ARID1A: variants seen among roughly 807,000 people sequenced by gnomAD.
ARID1A encodes the protein AT-rich interaction domain 1A.
ARID1A carries 20 observed loss-of-function variants against 212.6 expected under a neutral mutation model. The observed-to-expected ratio is 0.09, with a 90% CI of 0.07 to 0.14. The LOEUF (loss-of-function observed/expected upper bound fraction) is 0.14, where lower values mean the gene tolerates loss of function less well. Among genes scored for constraint, ARID1A ranks in the 10% least tolerant of loss-of-function variants. The pLI, the probability that ARID1A is intolerant of heterozygous loss-of-function variation, is 1.00. For synonymous variants in ARID1A, 1,376 were observed against 1,222.1 expected (o/e 1.13, Z -2.63); for missense variants, 2,587 against 3,059.0 (o/e 0.85, Z 3.64).
At chr1:26,731,631 C>T (rs1303665570) in intron 3 of ARID1A, 27 bp downstream of exon 3, 4 of 1,594,008 alleles carry the variant, frequency 2.5e-6, no homozygotes, top group Non-Finnish European at 3.4e-6. Flanking sequence ...TCCTGCCCTT[C>T]CCTGTGTGTG....
intron 1 of ARID1A, among the ~76,000 whole-genome samples, chr1:26,708,174 G>GC (rs2080412275): frequency 6.7e-6 from 1 of 148,688 alleles, no homozygotes; most frequent in Non-Finnish European, 1.5e-5. Context: ...AGAACTGGCA[G>GC]CATCTGGTCC....
At chr1:26,710,418 G>T (rs996558207) in intron 1 of ARID1A, among the ~76,000 whole-genome samples, 1 of 139,728 alleles carries the variant, frequency 7.2e-6, no homozygotes, top group African/African-American at 2.5e-5. Flanking sequence ...AGAGGTTGCA[G>T]TGAGCCGAGA....
chr1:26,769,931 GGGCCAGGC>G (rs1385746809), intron 11 of ARID1A: 13 of 152,344 alleles, frequency 8.5e-5, no homozygotes, highest in African/African-American at 3.1e-4. Flanking sequence ...ATAAGGCCCC[GGGCCAGGC>G]GCAGTGGCTC....
At chr1:26,767,684 C>A in intron 10 of ARID1A, 106 bp from the exon 11 acceptor site, 2 of 1,171,254 alleles carry the variant, frequency 1.7e-6, no homozygotes, top group East Asian at 2.5e-5. Context: ...AGTAACCACC[C>A]CAGAGTAAGA....
rs181088904 is a variant in ARID1A, at chr1:26,704,047, C to T, written c.1137+6507C>T. On this transcript the variant is annotated intron_variant, in intron 1 of 19. Transcript: ENST00000324856. ...TCAAGAAACTTAGAATACTAATTTG[C>T]CTTTTCATAATGCTATTCTTAAGTT... 1.1e-4 allele frequency among the ~76,000 whole-genome samples: 17 copies of T among 152,226 alleles called. No individual in the cohort carries two copies. In the East Asian group the frequency reaches 3.3e-3, roughly 29 times the overall value.
At chr1:26,714,281 A>G (rs2080480762) in intron 1 of ARID1A, among the ~76,000 whole-genome samples, 1 of 142,500 alleles carries the variant, frequency 7.0e-6, no homozygotes, top group East Asian at 2.1e-4. Flanking sequence ...TGAGGTTGGT[A>G]TGTACCAGCA....
intron 4 of ARID1A, among the ~76,000 whole-genome samples, chr1:26,756,547 C>T (rs561913850): frequency 2.7e-5 from 4 of 149,416 alleles, no homozygotes; most frequent in Non-Finnish European, 4.4e-5. Flanking sequence ...CAGACCCAGA[C>T]CGAGACCCTG....
At chr1:26,706,942 T>G (rs1026978169) in intron 1 of ARID1A, among the ~76,000 whole-genome samples, 2 of 152,184 alleles carry the variant, frequency 1.3e-5, no homozygotes, top group Non-Finnish European at 1.5e-5. Flanking sequence ...AATTTAGGCT[T>G]CTAAAGAGAA....
chr1:26,763,148 C>A lies in ARID1A; in HGVS notation c.2595C>A (p.Asn865Lys), dbSNP rs2124069336. 1 of 1,614,288 alleles carries A rather than the reference C, an allele frequency of 6.2e-7. No homozygotes were observed. The highest frequency in any genetic ancestry group is 8.5e-7 in the Non-Finnish European group (1 of 1,180,058). ...PGRMSHASMGNRPYGPNMANM... is the reference protein window; with the variant it reads ...PGRMSHASMGKRPYGPNMANM... The stretch of plus-strand genomic sequence containing the variant: ...GGATGAGTCACGCCTCCATGGGCAA[C>A]CGGCCTTATGGCCCTAACATGGCCA... Residue 865 changes from asparagine to lysine, a missense_variant, in exon 8 of 20, where the codon AAC becomes AAA. Asn to Lys is a moderately conservative substitution (Grantham distance 94). Around this residue, in one of 11 missense-constraint regions of ARID1A, gnomAD observed 674 missense variants for 813.4 expected, o/e 0.83. Transcript: ENST00000324856.
intron 1 of ARID1A, among the ~76,000 whole-genome samples, chr1:26,718,644 A>G (rs1258291115): frequency 1.3e-5 from 2 of 152,200 alleles, no homozygotes; most frequent in Non-Finnish European, 2.9e-5. Flanking sequence ...GATTACTTAT[A>G]ATACCTCATA....
intron 4 of ARID1A, among the ~76,000 whole-genome samples, chr1:26,737,871 A>G (rs560323198): frequency 3.9e-5 from 6 of 152,122 alleles, no homozygotes; most frequent in African/African-American, 1.2e-4. Context: ...GTCTCAAAAA[A>G]AAAAAAAGAA....
chr1:26,754,400 G>T (rs894647468), intron 4 of ARID1A, among the ~76,000 whole-genome samples: 2 of 152,156 alleles, frequency 1.3e-5, no homozygotes, highest in African/African-American at 4.8e-5. Flanking sequence ...ACTGGGACTG[G>T]TGGGTATGTC....
Position 26,696,473 on chromosome 1 carries a change from C to T in ARID1A, c.70C>T (p.Leu24=), listed in dbSNP as rs910020727. The change falls in exon 1 of 20, where the codon CTG becomes TTG. Residue 24 remains leucine (L), a synonymous_variant. Transcript: ENST00000324856. The part of the protein sequence containing the change: ...GNPPPPPPSE[L]KKAEQQQREE... ...CCCGCCGCCGCCGCCGCCCTCGGAG[C>T]TGAAGAAAGCCGAGCAGCAGCAGCG... 3.1e-5 allele frequency: 39 copies of T among 1,263,442 alleles called. 1 individual carries two copies. Among genetic ancestry groups the T allele is most frequent in the Non-Finnish European group, 3.0e-6 (3 of 1,007,732 alleles). 78.3% of individuals were successfully genotyped at this position (1,263,442 alleles called of 1,614,324 possible).
At chr1:26,740,277 C>T (rs1332722196) in intron 4 of ARID1A, among the ~76,000 whole-genome samples, 2 of 152,158 alleles carry the variant, frequency 1.3e-5, no homozygotes, top group Non-Finnish European at 2.9e-5. Flanking sequence ...GAATATGATA[C>T]GATGATTCCT....
rs2124745092 is a variant in ARID1A, at chr1:26,697,472, A to G, written c.1069A>G (p.Ser357Gly). 1 of 1,394,614 alleles carries G rather than the reference A, an allele frequency of 7.2e-7. No homozygotes were observed. Among genetic ancestry groups the G allele is most frequent in the African/African-American group, 1.5e-5 (1 of 65,614 alleles). 86.4% of individuals were successfully genotyped at this position (1,394,614 alleles called of 1,614,324 possible). Reference sequence around the variant, plus strand: ...CGCCTCGGGAGGGGCCCAACAAAGGAGCCACCACGCGCCCATGAGCCCCGG... The same window carrying G: ...CGCCTCGGGAGGGGCCCAACAAAGGGGCCACCACGCGCCCATGAGCCCCGG... Reference protein sequence around the residue: ...AAASGGAQQRSHHAPMSPGSS... With the variant: ...AAASGGAQQRGHHAPMSPGSS... The change falls in exon 1 of 20, where the codon AGC (serine) becomes GGC (glycine). Residue 357 changes from serine (S) to glycine (G), a missense_variant. Physicochemically the swap from Ser to Gly is moderately conservative, Grantham distance 56. Around this residue, in one of 11 missense-constraint regions of ARID1A, gnomAD observed 735 missense variants for 590.6 expected, o/e 1.24. Transcript: ENST00000324856.
chr1:26,768,477 T>C (rs995831264), intron 11 of ARID1A, among the ~76,000 whole-genome samples: 2 of 152,236 alleles, frequency 1.3e-5, no homozygotes, highest in Admixed American at 6.5e-5. Flanking sequence ...GAAATAACTT[T>C]GGCTTTCAGC....
chr1:26,696,564 C>T lies in ARID1A; in HGVS notation c.161C>T (p.Ala54Val), dbSNP rs1343083864. The change falls in exon 1 of 20, where the codon GCC (alanine) becomes GTC (valine). Residue 54 changes from alanine to valine, a missense_variant. This residue lies in a region of ARID1A where 735 missense variants were observed against 590.6 expected (regional missense o/e 1.24). Transcript: ENST00000324856. ...AAERGEMKAA[A>V]GQESEGPAVG... is the part of the protein sequence containing the mutation. ...GAGCGCGGGGAAATGAAGGCAGCCG[C>T]CGGGCAGGAAAGCGAGGGCCCCGCC... The T allele has an allele frequency of 8.1e-6, 10 of 1,230,852 alleles. No individual in the cohort carries two copies. Among genetic ancestry groups the T allele is most frequent in the Non-Finnish European group, 1.0e-5 (10 of 990,032 alleles). The allele number at this position is 1,230,852 out of a possible 1,614,324, so 76.2% of individuals were successfully genotyped here. A position where few individuals can be genotyped will look rare whatever the true frequency, so the allele number is the denominator to read the frequency against.
chr1:26,704,697 C>T (rs1272191018), intron 1 of ARID1A, among the ~76,000 whole-genome samples: 2 of 151,936 alleles, frequency 1.3e-5, no homozygotes, highest in African/African-American at 4.8e-5. Flanking sequence ...CCCATCTTTA[C>T]AAGACACAAA....
intron 4 of ARID1A, among the ~76,000 whole-genome samples, chr1:26,751,045 A>G (rs2080880043): frequency 6.6e-6 from 1 of 152,030 alleles, no homozygotes; most frequent in Non-Finnish European, 1.5e-5. Flanking sequence ...ACTTGAGGTC[A>G]GGAGTTCGAG....
Sources: gnomAD v4.1 joint callset for allele counts (sites outside exome capture counted in the v4.1 genomes callset) on GRCh38, gnomAD v4.1.1 for gene constraint, gnomAD v4.1.1 regional missense constraint, MANE v1.5 for transcripts, NCBI Gene and HGNC (gene_info 2026-07-23, HGNC 2026-07-21) for gene names.